Variants in GALNT11 observed in about 807,000 individuals in gnomAD.
The protein encoded by GALNT11 is UDP-GalNAc:polypeptide N-acetylgalactosaminyltransferase 11.
Under a neutral mutation model 72.7 loss-of-function variants are expected in GALNT11, and 47 were observed. That is an observed-to-expected ratio of 0.65 (90% CI 0.51 to 0.82). GALNT11 has a LOEUF of 0.82. Ranked by LOEUF, GALNT11 falls within the 40% of genes least tolerant of loss-of-function variation. The probability of loss-of-function intolerance (pLI) is 0.00; values close to 1 mark genes in which losing one functional copy is unlikely to be tolerated. For synonymous variants in GALNT11, 270 were observed against 286.6 expected, an observed-to-expected ratio of 0.94 and a Z score of 0.58; for missense variants, 677 against 778.4, an observed-to-expected ratio of 0.87 and a Z score of 1.55.
intron 1 of GALNT11, among the ~76,000 whole-genome samples, chr7:152,031,877 C>G (rs762371681): frequency 2.6e-5 from 4 of 152,158 alleles, no homozygotes; most frequent in Non-Finnish European, 5.9e-5. Flanking sequence ...CTATCTTGCT[C>G]TATCTGGGGA....
chr7:152,040,803 G>A (rs2082821699), intron 1 of GALNT11, among the ~76,000 whole-genome samples: 1 of 152,168 alleles, frequency 6.6e-6, no homozygotes, highest in Non-Finnish European at 1.5e-5. Context: ...CTGAACCATA[G>A]GGCATCTGAA....
intron 1 of GALNT11, among the ~76,000 whole-genome samples, chr7:152,093,288 C>G (rs2086162235): frequency 6.6e-6 from 1 of 150,654 alleles, no homozygotes; most frequent in Non-Finnish European, 1.5e-5. Context: ...ACATTTAGTT[C>G]TTCTTGCCTT....
chr7:152,092,051 A>C (rs1479280679), intron 1 of GALNT11, among the ~76,000 whole-genome samples: 1 of 152,150 alleles, frequency 6.6e-6, no homozygotes, highest in Non-Finnish European at 1.5e-5. Flanking sequence ...TGGATGAAGA[A>C]GGGGTTGGCT....
intron 7 of GALNT11, 93 bp downstream of exon 7, chr7:152,110,738 AT>A (rs202095773): frequency 4.3e-4 from 433 of 1,014,598 alleles, no homozygotes; most frequent in Non-Finnish European, 4.9e-4. Flanking sequence ...CTCCTTGATT[AT>A]TTTTTTTTCG....
At chr7:152,106,483 A>G (rs2087569734) in intron 5 of GALNT11, among the ~76,000 whole-genome samples, 2 of 151,342 alleles carry the variant, frequency 1.3e-5, no homozygotes, top group Admixed American at 1.3e-4. Flanking sequence ...TCTACATCCT[A>G]TCTGCAGTGG....
rs188600939 is a variant in GALNT11, at chr7:152,072,658, C to T, written c.-38-21532C>T. Among the ~76,000 whole-genome samples, 1,343 of 152,330 alleles carry T rather than the reference C, an allele frequency of 8.8e-3. 18 individuals are homozygous for T. The highest frequency in any genetic ancestry group is 0.01 in the Non-Finnish European group (691 of 68,030). ...TGGGAATATTATTACTTTGTAAATC[C>T]TTTCGTAAGTAACTTCCTTTTTTCC... is the stretch of plus-strand genomic sequence containing the variant. On this transcript the variant is annotated intron_variant, in intron 1 of 11. Transcript: ENST00000430044.
Position 152,054,804 on chromosome 7 carries a change from C to T in GALNT11, c.-39+28920C>T, listed in dbSNP as rs189217294. ...AAAGTGCTAGGACTACAGGCGTGAG[C>T]CACTGAGCTTGGCATGTTCATGTTA... On this transcript the variant is annotated intron_variant, in intron 1 of 11. Coordinates refer to ENST00000430044, the MANE Select transcript of GALNT11 (RefSeq NM_022087.4). Among the ~76,000 whole-genome samples the T allele has an allele frequency of 2.3e-3, 353 of 152,150 alleles. 1 individual carries two copies. The highest frequency in any genetic ancestry group is 8.2e-3 in the African/African-American group (340 of 41,478).
At position 152,052,535 on chromosome 7, in the gene GALNT11, G is replaced by A. The variant is rs183136900; in HGVS notation, c.-39+26651G>A. Among the ~76,000 whole-genome samples, 18 of 152,094 alleles carry A rather than the reference G, an allele frequency of 1.2e-4. No individual in the cohort carries two copies. The East Asian group carries it at 3.1e-3, about 26-fold the overall frequency. Reference sequence around the variant, plus strand: ...AAAAACTGCTTTCTTAAAGATCTTCGTACCTTACTAGTTGCTAAATCTGAT... The same window carrying A: ...AAAAACTGCTTTCTTAAAGATCTTCATACCTTACTAGTTGCTAAATCTGAT... On this transcript the variant is annotated intron_variant, in intron 1 of 11. Transcript: ENST00000430044.
chr7:152,117,384 G>A lies in GALNT11; in HGVS notation c.1452+9G>A. ...TCCTTCAACGTGGAAGGGTAAGAAA[G>A]CTGTTTTTTCCAAGTGGCTTATGAA... On this transcript the variant is annotated intron_variant, in intron 9 of 11. Transcript: ENST00000430044. 1 of 1,613,558 alleles carries A rather than the reference G, an allele frequency of 6.2e-7. No homozygotes were observed. Among genetic ancestry groups the A allele is most frequent in the Non-Finnish European group, 8.5e-7 (1 of 1,179,838 alleles).
At chr7:152,056,398 G>A (rs544662519) in intron 1 of GALNT11, among the ~76,000 whole-genome samples, 1 of 152,266 alleles carries the variant, frequency 6.6e-6, no homozygotes, top group Admixed American at 6.5e-5. Context: ...GGGTTGCCAC[G>A]TTTTCCCAGA....
In GALNT11 at chr7:152,082,982, T is replaced by C. The variant is rs575158273; in HGVS notation, c.-38-11208T>C. Among the ~76,000 whole-genome samples the C allele has an allele frequency of 8.5e-4, 129 of 152,330 alleles. 1 individual carries two copies. Among genetic ancestry groups the C allele is most frequent in the Non-Finnish European group, 2.2e-4 (15 of 68,018 alleles). On this transcript the variant is annotated intron_variant, in intron 1 of 11. Transcript: ENST00000430044. The stretch of plus-strand genomic sequence containing the variant: ...TGTAAGGTTGTTGGTCCTTTATTTT[T>C]AGAATCTCTATTTGAGATTGTGGCT...
intron 1 of GALNT11, among the ~76,000 whole-genome samples, chr7:152,035,364 G>A (rs1470733933): frequency 6.6e-6 from 1 of 152,202 alleles, no homozygotes; most frequent in Non-Finnish European, 1.5e-5. Context: ...AGCGGGACTA[G>A]CCTCAGAGAA....
chr7:152,079,531 T>G (rs1267318892), intron 1 of GALNT11: 1 of 152,244 alleles, frequency 6.6e-6, no homozygotes, highest in Non-Finnish European at 1.5e-5. Context: ...GTTAGACATT[T>G]GATGCATTCA....
At chr7:152,078,238 A>G (rs7777854) in intron 1 of GALNT11, among the ~76,000 whole-genome samples, 9,991 of 152,208 alleles carry the variant, frequency 0.066, 1,130 homozygotes, top group African/African-American at 0.23. Flanking sequence ...TTTTTTAGAC[A>G]GAGTTTCACT....
Position 152,094,025 on chromosome 7 carries a change from C to A in GALNT11, c.-38-165C>A. The A allele has an allele frequency of 1.9e-6, 1 of 521,884 alleles. No individual in the cohort carries two copies. The highest frequency in any genetic ancestry group is 3.2e-6 in the Non-Finnish European group (1 of 314,550). The allele number at this position is 521,884 out of a possible 1,614,324, so 32.3% of individuals were successfully genotyped here. On this transcript the variant is annotated intron_variant, in intron 1 of 11. Transcript: ENST00000430044. The surrounding 1 kb of genome is among the most constrained non-coding windows in gnomAD (Gnocchi z 4.3). ...CAGGCCTGAGGTTTTCATTGTTGAA[C>A]CCTTTTTAAAAACTCAGTACTATCC... is the stretch of plus-strand genomic sequence containing the variant.
intron 1 of GALNT11, among the ~76,000 whole-genome samples, chr7:152,090,842 T>C (rs2129034182): frequency 6.6e-6 from 1 of 152,274 alleles, no homozygotes; most frequent in Admixed American, 6.5e-5. Context: ...CACTTTCTAA[T>C]GTATTATTTA....
intron 1 of GALNT11, among the ~76,000 whole-genome samples, chr7:152,065,125 C>T (rs988192854): frequency 3.9e-5 from 6 of 152,340 alleles, no homozygotes; most frequent in African/African-American, 1.4e-4. Flanking sequence ...CACATAGTCT[C>T]ATATTTCTTG....
intron 1 of GALNT11, among the ~76,000 whole-genome samples, chr7:152,067,277 G>A (rs2084365010): frequency 6.6e-6 from 1 of 152,176 alleles, no homozygotes; most frequent in Non-Finnish European, 1.5e-5. Context: ...TTTCTCCACT[G>A]TAAAGTTTCT....
chr7:152,066,432 T>A (rs1021646590), intron 1 of GALNT11, among the ~76,000 whole-genome samples: 1 of 152,220 alleles, frequency 6.6e-6, no homozygotes, highest in African/African-American at 2.4e-5. Flanking sequence ...CTCAGTAGGC[T>A]GCACCCACTG....
Sources: allele counts gnomAD v4.1 joint callset (sites outside exome capture counted in the v4.1 genomes callset), GRCh38; gene constraint gnomAD v4.1.1; non-coding constraint Gnocchi (gnomAD v3.1); transcripts MANE v1.5; gene names NCBI Gene and HGNC (gene_info 2026-07-23, HGNC 2026-07-21).